Variants in GLIS3 observed in about 807,000 individuals in gnomAD.
GLIS3 encodes the protein GLIS family zinc finger 3, also known as zinc finger protein GLIS3.
GLIS3 carries 53 observed loss-of-function variants against 78.6 expected under a neutral mutation model. The ratio of observed to expected loss-of-function variants is 0.67; its 90% CI spans 0.54 to 0.85. The LOEUF is 0.85. Ranked by LOEUF, GLIS3 falls within the 40% of genes least tolerant of loss-of-function variation. The pLI is 0.00. For missense variants in GLIS3, 1,703 were observed against 1,231.1 expected (o/e 1.38, Z -5.74); for synonymous variants, 684 against 509.9 (o/e 1.34, Z -4.60).
the GLIS3 span, among the ~76,000 whole-genome samples, chr9:4,476,875 G>C: frequency 6.6e-6 from 1 of 152,104 alleles, no homozygotes; most frequent in Non-Finnish European, 1.5e-5. Flanking sequence ...TAGAATAGCT[G>C]TTTTTAGACA....
At position 3,939,034 on chromosome 9, in the gene GLIS3, G is replaced by GT. The variant is rs544689648; in HGVS notation, c.1711-1846_1711-1845insA. ...CACCTGGTGGACCACACTTAGGTCT[G>GT]AAGTGAGCTTGTGGTTTTAGACACG... On this transcript the variant is annotated intron_variant, in intron 4 of 10. Coordinates refer to ENST00000381971, the MANE Select transcript of GLIS3 (RefSeq NM_001042413.2). 5.1e-3 allele frequency among the ~76,000 whole-genome samples: 770 copies of GT among 152,318 alleles called. 7 individuals carry two copies. Among genetic ancestry groups the GT allele is most frequent in the African/African-American group, 0.018 (744 of 41,568 alleles).
the GLIS3 span, among the ~76,000 whole-genome samples, chr9:4,369,209 C>CA: frequency 6.6e-6 from 1 of 152,062 alleles, no homozygotes; most frequent in African/African-American, 2.4e-5. Context: ...ATGGATTACT[C>CA]AGCCACCATT....
rs146223700 is a variant in GLIS3 at position 4,213,092 on chromosome 9, A to G, written c.388+72946T>C. Among the ~76,000 whole-genome samples the G allele has an allele frequency of 3.3e-5, 5 of 152,326 alleles. No individual in the cohort carries two copies. The East Asian group carries it at 9.7e-4, about 29-fold the overall frequency. ...GAGAAGTGGCTTGCTCCTACGTGCC[A>G]TCAATTCACCCCTCCTTAGGCCTTG... On this transcript the variant is annotated intron_variant, in intron 2 of 10. Coordinates refer to ENST00000381971, the MANE Select transcript of GLIS3 (RefSeq NM_001042413.2).
the GLIS3 span, among the ~76,000 whole-genome samples, chr9:4,365,084 C>T: frequency 1.3e-5 from 2 of 152,092 alleles, no homozygotes; most frequent in Non-Finnish European, 2.9e-5. Context: ...TTTCTTTGTT[C>T]AGAGGATCCT....
chr9:3,886,415 A>C (rs182517028), intron 7 of GLIS3, among the ~76,000 whole-genome samples: 11 of 152,276 alleles, frequency 7.2e-5, no homozygotes, highest in Admixed American at 5.2e-4. Context: ...TTTAAAAGAT[A>C]ACAAGTCATT....
At chr9:3,974,677 AT>A (rs200723493) in intron 4 of GLIS3, among the ~76,000 whole-genome samples, 214 of 151,764 alleles carry the variant, frequency 1.4e-3, no homozygotes, top group Middle Eastern at 3.4e-3. Flanking sequence ...CAGCATTCAT[AT>A]TTTTTTTTCC....
the GLIS3 span, among the ~76,000 whole-genome samples, chr9:4,416,336 T>C: frequency 6.6e-6 from 1 of 151,208 alleles, no homozygotes; most frequent in Admixed American, 6.6e-5. Context: ...CCATCACCTT[T>C]ACAATTTTTT....
In GLIS3 at chr9:4,179,376, G is replaced by A. The variant is rs56759494; in HGVS notation, c.389-53435C>T. Among the ~76,000 whole-genome samples, 993 of 152,220 alleles carry A rather than the reference G, an allele frequency of 6.5e-3. 13 individuals are homozygous for A. Among genetic ancestry groups the A allele is most frequent in the African/African-American group, 0.023 (942 of 41,512 alleles). On this transcript the variant is annotated intron_variant, in intron 2 of 10. Coordinates refer to ENST00000381971, the MANE Select transcript of GLIS3 (RefSeq NM_001042413.2). ...CTTGCAGTCAAATTACAAAACATGTGCGAGTAATCCCCAGCTTTCAAAGGT... is the reference window on the plus strand; with the variant it reads ...CTTGCAGTCAAATTACAAAACATGTACGAGTAATCCCCAGCTTTCAAAGGT...
intron 8 of GLIS3, among the ~76,000 whole-genome samples, chr9:3,877,487 T>G (rs1821394420): frequency 6.6e-6 from 1 of 152,218 alleles, no homozygotes; most frequent in Non-Finnish European, 1.5e-5. Flanking sequence ...ACATGGATCT[T>G]TTATAATCAC....
chr9:4,136,104 T>C (rs181225347), intron 2 of GLIS3, among the ~76,000 whole-genome samples: 54 of 152,306 alleles, frequency 3.5e-4, no homozygotes, highest in Admixed American at 2.2e-3. Context: ...TTGGCAATTG[T>C]GACAAATGCT....
chr9:4,396,465 C>T, the GLIS3 span, among the ~76,000 whole-genome samples: 2 of 152,160 alleles, frequency 1.3e-5, no homozygotes, highest in African/African-American at 4.8e-5. Context: ...AACATTTCAT[C>T]ATCCTCTAAC....
At chr9:4,119,870 C>A (rs780491266) in intron 3 of GLIS3, among the ~76,000 whole-genome samples, 2 of 152,220 alleles carry the variant, frequency 1.3e-5, no homozygotes, top group Non-Finnish European at 2.9e-5. Flanking sequence ...ATAAAAATCA[C>A]TTCTTGATCT....
intron 2 of GLIS3, among the ~76,000 whole-genome samples, chr9:4,139,594 A>T (rs1036541359): frequency 6.6e-6 from 1 of 152,146 alleles, no homozygotes; most frequent in South Asian, 2.1e-4. Context: ...AGGGTAGTCT[A>T]AGCCAGCAGT....
intron 2 of GLIS3, among the ~76,000 whole-genome samples, chr9:4,271,274 A>G (rs1243605193): frequency 6.6e-6 from 1 of 152,156 alleles, no homozygotes; most frequent in African/African-American, 2.4e-5. Flanking sequence ...TACAAAATAC[A>G]TGTTAATCAA....
At chr9:4,109,274 A>T (rs1831020742) in intron 4 of GLIS3, among the ~76,000 whole-genome samples, 1 of 152,242 alleles carries the variant, frequency 6.6e-6, no homozygotes, top group South Asian at 2.1e-4. Context: ...AGATTATAAA[A>T]GGAAATATTT....
chr9:4,398,936 C>A, the GLIS3 span, among the ~76,000 whole-genome samples: 1 of 152,150 alleles, frequency 6.6e-6, no homozygotes, highest in Non-Finnish European at 1.5e-5. Flanking sequence ...ATCCACCTAC[C>A]TTGGCCTCTC....
At chr9:4,469,339 T>C in the GLIS3 span, among the ~76,000 whole-genome samples, 4 of 152,128 alleles carry the variant, frequency 2.6e-5, no homozygotes, top group Non-Finnish European at 5.9e-5. Flanking sequence ...ATACATTCTT[T>C]TGAGCACCAC....
chr9:4,257,018 T>C (rs989695783), intron 2 of GLIS3, among the ~76,000 whole-genome samples: 1 of 152,130 alleles, frequency 6.6e-6, no homozygotes, highest in Non-Finnish European at 1.5e-5. Flanking sequence ...ATAGTACATA[T>C]ATGTGTTAAT....
At chr9:4,277,363 A>G (rs1254504016) in intron 2 of GLIS3, among the ~76,000 whole-genome samples, 3 of 152,244 alleles carry the variant, frequency 2.0e-5, no homozygotes, top group Admixed American at 2.0e-4. Context: ...GATTAAAACC[A>G]ATTGAAATAG....
Sources: allele counts gnomAD v4.1 joint callset (sites outside exome capture counted in the v4.1 genomes callset), GRCh38; gene constraint gnomAD v4.1.1; transcripts MANE v1.5; gene names NCBI Gene and HGNC (gene_info 2026-07-23, HGNC 2026-07-21).